The following ACAP2 variants were observed in gnomAD, a reference collection of about 807,000 sequenced individuals.
ACAP2 encodes ArfGAP with coiled-coil, ankyrin repeat and PH domains 2.
In ACAP2, 39 loss-of-function variants were observed where a neutral mutation model predicts 115.8. The observed-to-expected ratio is 0.34, with a 90% confidence interval of 0.26 to 0.44. The LOEUF is 0.44. Among genes scored for constraint, ACAP2 ranks in the 20% least tolerant of loss-of-function variants. The pLI is 1.00. For synonymous variants in ACAP2, 289 were observed against 315.8 expected (o/e 0.92, Z 0.90); for missense variants, 662 against 927.6 (o/e 0.71, Z 3.72).
intron 1 of ACAP2, among the ~76,000 whole-genome samples, chr3:195,421,345 TTAAAA>T (rs1385476980): frequency 6.6e-6 from 1 of 152,144 alleles, no homozygotes; most frequent in Non-Finnish European, 1.5e-5. Flanking sequence ...GAAATAAACA[TTAAAA>T]TAAACCAAAT....
At chr3:195,401,519 T>C (rs1712293487) in intron 1 of ACAP2, among the ~76,000 whole-genome samples, 1 of 151,942 alleles carries the variant, frequency 6.6e-6, no homozygotes, top group Non-Finnish European at 1.5e-5. Context: ...ACAAAAAAAT[T>C]AGCCAGGCGT....
intron 11 of ACAP2, 81 bp from the exon 12 acceptor site, chr3:195,307,404 T>C: frequency 1.2e-6 from 1 of 823,828 alleles, no homozygotes. Context: ...AAAATATTAC[T>C]TGGCATAACT....
At chr3:195,383,487 T>C (rs907620593) in intron 2 of ACAP2, among the ~76,000 whole-genome samples, 2 of 151,858 alleles carry the variant, frequency 1.3e-5, no homozygotes, top group African/African-American at 4.8e-5. Flanking sequence ...AAAAAGAAAT[T>C]AAATTGTATT....
intron 9 of ACAP2, chr3:195,325,345 C>T: frequency 2.4e-6 from 1 of 415,212 alleles, no homozygotes; most frequent in Non-Finnish European, 4.6e-6. Context: ...TCCAATTGAT[C>T]AATTTAAATT....
At chr3:195,337,043 G>A (rs1232722203) in intron 6 of ACAP2, 67 bp from the exon 7 acceptor site, 3 of 1,378,846 alleles carry the variant, frequency 2.2e-6, no homozygotes, top group Non-Finnish European at 3.0e-6. Context: ...ATGCAATATT[G>A]TAAAGCTTAT....
intron 1 of ACAP2, among the ~76,000 whole-genome samples, chr3:195,423,689 C>G (rs1215481857): frequency 6.7e-6 from 1 of 148,664 alleles, no homozygotes; most frequent in Non-Finnish European, 1.5e-5. Context: ...CCTGTTCCAA[C>G]TACTCAACTC....
intron 3 of ACAP2, among the ~76,000 whole-genome samples, chr3:195,381,527 C>G (rs1733937343): frequency 1.3e-5 from 2 of 152,166 alleles, no homozygotes; most frequent in Non-Finnish European, 2.9e-5. Flanking sequence ...CCTATACATA[C>G]AGTTAAGACG....
chr3:195,324,379 A>G (rs1164678052), intron 9 of ACAP2, among the ~76,000 whole-genome samples: 1 of 152,156 alleles, frequency 6.6e-6, no homozygotes, highest in East Asian at 1.9e-4. Flanking sequence ...ACTTTTTAAT[A>G]ACTAGTCTGG....
Position 195,276,046 on chromosome 3 carries a change from A to G in ACAP2, c.*3282T>C, listed in dbSNP as rs916301799. The G allele has an allele frequency of 6.6e-6, 1 of 152,660 alleles. No homozygotes were observed. Among genetic ancestry groups the G allele is most frequent in the African/African-American group, 2.4e-5 (1 of 41,470 alleles). The allele number at this position is 152,660 out of a possible 1,614,324, so 9.5% of individuals were successfully genotyped here. ...TTATACACAAGTGTTATCTGACAAT[A>G]TAAGAATGATCTGGGAATGTCTGTT... On this transcript the variant is annotated 3_prime_UTR_variant, in exon 23 of 23. Transcript: ENST00000326793.
intron 10 of ACAP2, among the ~76,000 whole-genome samples, chr3:195,314,035 T>C (rs1452863346): frequency 4.6e-5 from 7 of 152,164 alleles, no homozygotes; most frequent in Non-Finnish European, 1.0e-4. Context: ...TCACTTATGC[T>C]ATTTCAATCG....
At chr3:195,328,046 T>A (rs1205828071) in intron 8 of ACAP2, among the ~76,000 whole-genome samples, 2 of 152,100 alleles carry the variant, frequency 1.3e-5, no homozygotes, top group Non-Finnish European at 2.9e-5. Context: ...CAGTAACATG[T>A]CACGAGAAAT....
intron 16 of ACAP2, 121 bp from the exon 17 acceptor site, chr3:195,296,013 C>T (rs1380229726): frequency 5.4e-6 from 4 of 735,248 alleles, no homozygotes; most frequent in South Asian, 3.9e-5. Context: ...CTGGTTAAAA[C>T]TGAATCTGTG....
At chr3:195,300,044 CTTTTTTTT>C (rs765234326) in intron 15 of ACAP2, among the ~76,000 whole-genome samples, 1 of 34,352 alleles carries the variant, frequency 2.9e-5, no homozygotes, top group African/African-American at 7.0e-5. Flanking sequence ...CTTTTTTTTT[CTTTTTTTT>C]TTTTTTTTTT....
chr3:195,434,091 A>G (rs902780863), intron 1 of ACAP2, among the ~76,000 whole-genome samples: 2 of 151,908 alleles, frequency 1.3e-5, no homozygotes, highest in African/African-American at 4.8e-5. Context: ...ACCACACACA[A>G]CTAATTTTTA....
At chr3:195,418,977 T>C (rs553339496) in intron 1 of ACAP2, among the ~76,000 whole-genome samples, 11 of 152,286 alleles carry the variant, frequency 7.2e-5, no homozygotes, top group Middle Eastern at 3.4e-3. Context: ...CAAGAGACTG[T>C]ATTGTTTTCT....
At chr3:195,420,590 G>A (rs780195329) in intron 1 of ACAP2, among the ~76,000 whole-genome samples, 4 of 151,764 alleles carry the variant, frequency 2.6e-5, no homozygotes, top group Non-Finnish European at 4.4e-5. Flanking sequence ...TGATTCACCC[G>A]CCTCGGCCTC....
chr3:195,314,590 G>T (rs1052633795), intron 10 of ACAP2, among the ~76,000 whole-genome samples: 1 of 152,078 alleles, frequency 6.6e-6, no homozygotes, highest in African/African-American at 2.4e-5. Flanking sequence ...TTAAATAGTT[G>T]ATTTTGATAA....
chr3:195,298,344 G>A (rs1480021164), intron 15 of ACAP2, among the ~76,000 whole-genome samples: 1 of 145,496 alleles, frequency 6.9e-6, no homozygotes, highest in Non-Finnish European at 1.5e-5. Context: ...CAACTTCCAC[G>A]TCCCAGGTTC....
chr3:195,403,254 GGA>G (rs1310464593), intron 1 of ACAP2, among the ~76,000 whole-genome samples: 1 of 152,156 alleles, frequency 6.6e-6, no homozygotes, highest in Non-Finnish European at 1.5e-5. Flanking sequence ...AACCAGAAAG[GGA>G]GAGAGCTGCG....
Sources: allele counts gnomAD v4.1 joint callset (sites outside exome capture counted in the v4.1 genomes callset), GRCh38; gene constraint gnomAD v4.1.1; transcripts MANE v1.5; gene names NCBI Gene and HGNC (gene_info 2026-07-23, HGNC 2026-07-21).